The following SLC25A13 variants were observed in gnomAD, a reference collection of about 807,000 sequenced individuals.
The protein encoded by SLC25A13 is solute carrier family 25 member 13.
In SLC25A13, 70 loss-of-function variants were observed where a neutral mutation model predicts 85.5. The observed-to-expected ratio is 0.82, with a 90% CI of 0.68 to 1.00. The LOEUF (loss-of-function observed/expected upper bound fraction) is 1.00. Among genes scored for constraint, SLC25A13 ranks in the 50% least tolerant of loss-of-function variants. The pLI, the probability that SLC25A13 is intolerant of heterozygous loss-of-function variation, is 0.00. For synonymous variants in SLC25A13, 259 were observed against 288.7 expected (o/e 0.90, Z 1.04); for missense variants, 765 against 819.8 (o/e 0.93, Z 0.82).
chr7:96,131,961 A>C, intron 14 of SLC25A13, 80 bp from the exon 15 acceptor site: 2 of 1,593,744 alleles, frequency 1.3e-6, no homozygotes, highest in Non-Finnish European at 1.7e-6. Flanking sequence ...AACTCACCTC[A>C]GAACAAAATA....
chr7:96,321,147 T>C (rs1173547298), intron 1 of SLC25A13, among the ~76,000 whole-genome samples: 2 of 152,184 alleles, frequency 1.3e-5, no homozygotes, highest in Admixed American at 1.3e-4. Context: ...TTTCAAGAAA[T>C]GGTGAAAGAG....
At chr7:96,228,763 T>A (rs1164487726) in intron 4 of SLC25A13, among the ~76,000 whole-genome samples, 1 of 152,020 alleles carries the variant, frequency 6.6e-6, no homozygotes, top group Non-Finnish European at 1.5e-5. Flanking sequence ...CCAGCGTGAG[T>A]TCTGGGTGGG....
chr7:96,284,444 A>G (rs547463563), intron 2 of SLC25A13, among the ~76,000 whole-genome samples: 1 of 152,356 alleles, frequency 6.6e-6, no homozygotes, highest in Admixed American at 6.5e-5. Context: ...CTGACAAAAC[A>G]ATTATAAAAA....
At chr7:96,139,257 T>A (rs183678213) in intron 14 of SLC25A13, among the ~76,000 whole-genome samples, 170 of 152,340 alleles carry the variant, frequency 1.1e-3, no homozygotes, top group Admixed American at 0.011. Context: ...AACTAAGTAT[T>A]GGGTACTATG....
chr7:96,225,459 C>G (rs1796296914), intron 4 of SLC25A13, among the ~76,000 whole-genome samples: 1 of 151,716 alleles, frequency 6.6e-6, no homozygotes, highest in Non-Finnish European at 1.5e-5. Context: ...GTGGAAGGAT[C>G]ACTTGAGTCA....
intron 13 of SLC25A13, among the ~76,000 whole-genome samples, chr7:96,166,195 A>G (rs1226442786): frequency 6.6e-6 from 1 of 152,210 alleles, no homozygotes; most frequent in Non-Finnish European, 1.5e-5. Context: ...ACTTCTATAA[A>G]CACCAATTAT....
At chr7:96,135,483 T>C (rs139836693) in intron 14 of SLC25A13, among the ~76,000 whole-genome samples, 26 of 152,362 alleles carry the variant, frequency 1.7e-4, no homozygotes, top group African/African-American at 6.3e-4. Flanking sequence ...CCTGTTGCTC[T>C]TGCACAATGA....
chr7:96,232,200 T>C (rs1433103814), intron 4 of SLC25A13, among the ~76,000 whole-genome samples: 1 of 152,122 alleles, frequency 6.6e-6, no homozygotes, highest in Admixed American at 6.5e-5. Context: ...CCATTAATGA[T>C]AGACTGGATA....
At chr7:96,251,261 G>A (rs1200988620) in intron 3 of SLC25A13, among the ~76,000 whole-genome samples, 1 of 152,152 alleles carries the variant, frequency 6.6e-6, no homozygotes, top group Non-Finnish European at 1.5e-5. Context: ...TTAAGGGAAA[G>A]AGCAGCAGAT....
intron 3 of SLC25A13, among the ~76,000 whole-genome samples, chr7:96,273,102 G>A (rs1443994024): frequency 6.6e-6 from 1 of 152,154 alleles, no homozygotes; most frequent in African/African-American, 2.4e-5. Flanking sequence ...GAGATACAAT[G>A]GGTAGTATAG....
At chr7:96,288,783 G>C (rs567811943) in intron 2 of SLC25A13, among the ~76,000 whole-genome samples, 82 of 152,260 alleles carry the variant, frequency 5.4e-4, no homozygotes, top group Non-Finnish European at 9.6e-4. Context: ...GCTCGAACTG[G>C]GTGGAGCCCA....
At chr7:96,243,271 TCTGA>T (rs1395324653) in intron 3 of SLC25A13, among the ~76,000 whole-genome samples, 2 of 152,012 alleles carry the variant, frequency 1.3e-5, no homozygotes, top group Non-Finnish European at 2.9e-5. Flanking sequence ...GGCCCCAGAG[TCTGA>T]CTCTTTTTGA....
At chr7:96,145,509 A>G (rs1249806043) in intron 14 of SLC25A13, among the ~76,000 whole-genome samples, 1 of 152,198 alleles carries the variant, frequency 6.6e-6, no homozygotes, top group Non-Finnish European at 1.5e-5. Flanking sequence ...GCAATATGGT[A>G]AGTTGTTACA....
intron 3 of SLC25A13, among the ~76,000 whole-genome samples, chr7:96,264,177 TG>T (rs1480400475): frequency 6.6e-6 from 1 of 152,154 alleles, no homozygotes; most frequent in Non-Finnish European, 1.5e-5. Context: ...CCTTACTACC[TG>T]GGCCTGAACG....
rs749637750 is a variant in SLC25A13 at position 96,121,831 on chromosome 7, T to A, written c.1750+8A>T. The A allele has an allele frequency of 3.1e-6, 5 of 1,614,196 alleles. No homozygotes were observed. The South Asian group carries it at 5.5e-5, about 18-fold the overall frequency. Reference sequence around the variant, plus strand: ...AAAGAGTTAGTTAAGAACACATTATTTCCATACCACCAGCTCCCTTCCACA... The same window carrying A: ...AAAGAGTTAGTTAAGAACACATTATATCCATACCACCAGCTCCCTTCCACA... On this transcript the variant is annotated splice_region_variant and intron_variant, in intron 16 of 17. Transcript: ENST00000265631.
chr7:96,280,584 G>A (rs750060711), intron 2 of SLC25A13, among the ~76,000 whole-genome samples: 29 of 152,026 alleles, frequency 1.9e-4, no homozygotes, highest in Non-Finnish European at 5.9e-5. Flanking sequence ...GTAGGGTAAC[G>A]TGCACCTGTA....
intron 2 of SLC25A13, among the ~76,000 whole-genome samples, chr7:96,294,570 C>G (rs977178284): frequency 6.7e-6 from 1 of 149,280 alleles, no homozygotes; most frequent in Non-Finnish European, 1.5e-5. Context: ...CATGCGCAAC[C>G]TGCACTCCAG....
intron 4 of SLC25A13, among the ~76,000 whole-genome samples, chr7:96,226,043 T>TTACCCA (rs1223790628): frequency 6.8e-6 from 1 of 147,012 alleles, no homozygotes; most frequent in East Asian, 2.0e-4. Flanking sequence ...ACACTTAACA[T>TTACCCA]GAGATCTACC....
chr7:96,224,524 C>A (rs1274409813), intron 4 of SLC25A13, among the ~76,000 whole-genome samples: 2 of 152,066 alleles, frequency 1.3e-5, no homozygotes, highest in Non-Finnish European at 2.9e-5. Flanking sequence ...CCTTCCCTAT[C>A]GTCCTGTGAT....
Sources: gnomAD v4.1 joint callset for allele counts (sites outside exome capture counted in the v4.1 genomes callset) on GRCh38, gnomAD v4.1.1 for gene constraint, MANE v1.5 for transcripts, NCBI Gene and HGNC (gene_info 2026-07-23, HGNC 2026-07-21) for gene names.